Variants in VOPP1 observed in about 807,000 individuals in gnomAD.
VOPP1 encodes the protein VOPP1 WW domain binding protein.
In VOPP1, 8 loss-of-function variants were observed where a neutral mutation model predicts 23.5. The observed-to-expected ratio is 0.34, with a 90% CI of 0.20 to 0.61. VOPP1 has a LOEUF of 0.61. VOPP1 is among the 20% of genes least tolerant of loss of function. The pLI is 0.78. For synonymous variants in VOPP1, 83 were observed against 97.3 expected (o/e 0.85, Z 0.86); for missense variants, 174 against 238.1 (o/e 0.73, Z 1.77).
At chr7:55,505,089 C>A (rs1794622626) in intron 2 of VOPP1, among the ~76,000 whole-genome samples, 1 of 152,206 alleles carries the variant, frequency 6.6e-6, no homozygotes, top group Non-Finnish European at 1.5e-5. Flanking sequence ...TTCTGTCACT[C>A]AAGGCATTCA....
intron 4 of VOPP1, among the ~76,000 whole-genome samples, chr7:55,488,434 G>A (rs1395169966): frequency 6.6e-6 from 1 of 152,116 alleles, no homozygotes; most frequent in East Asian, 1.9e-4. Flanking sequence ...TTCCTGGGCT[G>A]GCCTGGAGCC....
chr7:55,498,385 G>T (rs1260923650), intron 2 of VOPP1, among the ~76,000 whole-genome samples: 1 of 152,174 alleles, frequency 6.6e-6, no homozygotes, highest in Admixed American at 6.5e-5. Flanking sequence ...GCAGGCCACA[G>T]CTCTCAGGGG....
At chr7:55,466,413 G>A (rs1177105335), downstream of VOPP1, among the ~76,000 whole-genome samples, 3 of 152,196 alleles carry the variant, frequency 2.0e-5, no homozygotes, top group Non-Finnish European at 1.5e-5. Context: ...AGAAAGGAGG[G>A]AAGAGTTCTG....
intron 4 of VOPP1, among the ~76,000 whole-genome samples, chr7:55,455,390 A>G (rs1452207106): frequency 3.3e-5 from 5 of 152,226 alleles, no homozygotes; most frequent in Non-Finnish European, 2.9e-5. Context: ...AGTAATTTAT[A>G]GATTCAATGC....
At chr7:55,442,199 G>A (rs1790982086) in intron 4 of VOPP1, among the ~76,000 whole-genome samples, 1 of 152,168 alleles carries the variant, frequency 6.6e-6, no homozygotes, top group African/African-American at 2.4e-5. Context: ...GAATTGCCCA[G>A]GGTCACACAG....
At chr7:55,524,619 A>C (rs1280373833) in intron 1 of VOPP1, among the ~76,000 whole-genome samples, 1 of 152,188 alleles carries the variant, frequency 6.6e-6, no homozygotes, top group Non-Finnish European at 1.5e-5. Flanking sequence ...TCAACTGAAA[A>C]ACGCCAAAAT....
At chr7:55,510,669 T>C (rs1037988886) in intron 2 of VOPP1, among the ~76,000 whole-genome samples, 3 of 151,132 alleles carry the variant, frequency 2.0e-5, no homozygotes, top group Non-Finnish European at 4.4e-5. Flanking sequence ...AGACCTGGCC[T>C]GCCACAATGC....
intron 4 of VOPP1, among the ~76,000 whole-genome samples, chr7:55,487,060 T>C (rs12538426): frequency 9.8e-5 from 15 of 152,332 alleles, no homozygotes; most frequent in Admixed American, 9.8e-4. Context: ...AGAATGACGC[T>C]TATTCCACCA....
chr7:55,504,760 T>C (rs1794601193), intron 2 of VOPP1, among the ~76,000 whole-genome samples: 1 of 152,258 alleles, frequency 6.6e-6, no homozygotes, highest in African/African-American at 2.4e-5. Context: ...CCAAGCCTTC[T>C]CTTCTCCAGG....
chr7:55,511,934 C>A (rs1440091148), intron 2 of VOPP1, among the ~76,000 whole-genome samples: 1 of 152,202 alleles, frequency 6.6e-6, no homozygotes, highest in African/African-American at 2.4e-5. Context: ...ACACCCGTCT[C>A]AGATTTACTG....
intron 1 of VOPP1, among the ~76,000 whole-genome samples, chr7:55,525,991 T>C (rs143422652): frequency 2.4e-3 from 363 of 152,270 alleles, no homozygotes; most frequent in South Asian, 6.8e-3. Flanking sequence ...TGCTTTCTGT[T>C]ACCTAGCAGG....
chr7:55,572,111 C>A (rs929701449), intron 1 of VOPP1, among the ~76,000 whole-genome samples, 160 bp downstream of exon 1: 1 of 151,738 alleles, frequency 6.6e-6, no homozygotes, highest in African/African-American at 2.4e-5. Flanking sequence ...CAGGGTCCCG[C>A]ACCTCCCAGC....
At chr7:55,435,499 G>T (rs912759962), downstream of VOPP1, among the ~76,000 whole-genome samples, 1 of 152,188 alleles carries the variant, frequency 6.6e-6, no homozygotes, top group African/African-American at 2.4e-5. Context: ...CCAAGTCCCT[G>T]GTGCCTGTCA....
At chr7:55,442,645 A>G (rs919006562) in intron 4 of VOPP1, among the ~76,000 whole-genome samples, 2 of 122,776 alleles carry the variant, frequency 1.6e-5, no homozygotes, top group Admixed American at 7.7e-5. Context: ...CCACTTTTGA[A>G]GTAGACCAAA....
intron 4 of VOPP1, among the ~76,000 whole-genome samples, chr7:55,457,353 T>C (rs1791392953): frequency 6.6e-6 from 1 of 152,236 alleles, no homozygotes; most frequent in South Asian, 2.1e-4. Flanking sequence ...TCATTTTCTT[T>C]CTTCATTCAT....
At chr7:55,497,573 G>T in intron 3 of VOPP1, 40 bp downstream of exon 3, 32 of 1,199,660 alleles carry the variant, frequency 2.7e-5, no homozygotes, top group Non-Finnish European at 3.3e-5. Flanking sequence ...GGGGGGGGCA[G>T]AGCTCTCGGG....
At chr7:55,562,156 T>C (rs1798012494) in intron 1 of VOPP1, 1 of 692,094 alleles carries the variant, frequency 1.4e-6, no homozygotes, top group South Asian at 1.5e-5. Context: ...AGGAGGTCTC[T>C]GTAGATACTG....
intron 3 of VOPP1, among the ~76,000 whole-genome samples, chr7:55,496,898 G>A (rs1046559786): frequency 6.6e-6 from 1 of 152,252 alleles, no homozygotes; most frequent in Non-Finnish European, 1.5e-5. Context: ...GGGAGAAGAA[G>A]AGCAGGTGGG....
rs960329896 is a variant in VOPP1, at chr7:55,460,863, T to C, written n.418-24689A>G. ...TTCCATCCTTCACTTTCAGTCTGTA[T>C]GTGTCTTTACAAGTGAAGTGAGTTT... On this transcript the variant is annotated intron_variant and non_coding_transcript_variant, in intron 4 of 4. Coordinates refer to the VOPP1 transcript ENST00000462326. 4.6e-5 allele frequency among the ~76,000 whole-genome samples: 7 copies of C among 152,346 alleles called. No individual in the cohort carries two copies. In the East Asian group the frequency reaches 1.2e-3, roughly 25 times the overall value.
Sources: allele counts gnomAD v4.1 joint callset (sites outside exome capture counted in the v4.1 genomes callset), GRCh38; gene constraint gnomAD v4.1.1; transcripts MANE v1.5; gene names NCBI Gene and HGNC (gene_info 2026-07-23, HGNC 2026-07-21).